Variants in SCLT1 observed in about 807,000 individuals in gnomAD.
SCLT1 encodes sodium channel and clathrin linker 1.
A neutral mutation model predicts 112.8 loss-of-function variants in SCLT1; 78 were observed. That is an observed-to-expected ratio of 0.69 (90% confidence interval 0.58 to 0.83). The LOEUF is 0.83. Ranked by LOEUF, SCLT1 falls within the 40% of genes least tolerant of loss-of-function variation. The pLI is 0.00. For synonymous variants in SCLT1, 257 were observed against 254.7 expected (o/e 1.01, Z -0.09); for missense variants, 747 against 770.4 (o/e 0.97, Z 0.36).
chr4:128,888,868 C>A, intron 19 of SCLT1, 94 bp from the exon 20 acceptor site: 1 of 605,412 alleles, frequency 1.7e-6, no homozygotes, highest in Middle Eastern at 2.9e-4. Flanking sequence ...CATCACTTTA[C>A]CACTTATAAA....
intron 18 of SCLT1, among the ~76,000 whole-genome samples, chr4:128,929,790 C>A (rs528476486): frequency 1.3e-5 from 2 of 152,250 alleles, no homozygotes; most frequent in East Asian, 3.9e-4. Flanking sequence ...ATGGCTACAA[C>A]ATGGGAAAAA....
intron 5 of SCLT1, among the ~76,000 whole-genome samples, chr4:129,011,751 T>C (rs33999735): frequency 0.041 from 6,228 of 152,218 alleles, 157 homozygotes; most frequent in South Asian, 0.057. Context: ...AATTTCCTCC[T>C]GGTTTAGTCT....
At chr4:129,034,983 A>G (rs1023795814) in intron 5 of SCLT1, among the ~76,000 whole-genome samples, 2 of 152,126 alleles carry the variant, frequency 1.3e-5, no homozygotes, top group African/African-American at 4.8e-5. Flanking sequence ...CACCCAACAA[A>G]TAAGTGAGAA....
At chr4:129,072,279 G>C (rs897280662) in intron 2 of SCLT1, among the ~76,000 whole-genome samples, 1 of 152,100 alleles carries the variant, frequency 6.6e-6, no homozygotes, top group Admixed American at 6.6e-5. Context: ...TGATGACAAT[G>C]TCCTAGGCAA....
At chr4:128,886,453 T>C in intron 20 of SCLT1, among the ~76,000 whole-genome samples, 1 of 152,020 alleles carries the variant, frequency 6.6e-6, no homozygotes, top group East Asian at 1.9e-4. Context: ...TATAGGAAAA[T>C]TAGAAGATTC....
intron 18 of SCLT1, among the ~76,000 whole-genome samples, chr4:128,914,160 T>C (rs1735301729): frequency 6.6e-6 from 1 of 152,136 alleles, no homozygotes; most frequent in Non-Finnish European, 1.5e-5. Flanking sequence ...GGTTAGGAGA[T>C]TGAGACCATC....
At chr4:128,998,660 T>C (rs1743208890) in intron 7 of SCLT1, among the ~76,000 whole-genome samples, 1 of 151,612 alleles carries the variant, frequency 6.6e-6, no homozygotes, top group Non-Finnish European at 1.5e-5. Context: ...TCAAAGAACT[T>C]AATATGAAAA....
At chr4:129,078,184 T>C (rs556610346) in intron 2 of SCLT1, among the ~76,000 whole-genome samples, 10 of 152,192 alleles carry the variant, frequency 6.6e-5, no homozygotes, top group Non-Finnish European at 1.3e-4. Context: ...AAGAGGACAA[T>C]CTTGTAAAGG....
At chr4:128,898,525 T>A (rs1315217007) in intron 18 of SCLT1, among the ~76,000 whole-genome samples, 1 of 150,718 alleles carries the variant, frequency 6.6e-6, no homozygotes, top group African/African-American at 2.4e-5. Context: ...TTCAAAGCAG[T>A]GTGTAGAGGG....
intron 18 of SCLT1, among the ~76,000 whole-genome samples, chr4:128,898,454 A>T (rs542847965): frequency 5.2e-4 from 79 of 152,304 alleles, no homozygotes; most frequent in African/African-American, 1.8e-3. Flanking sequence ...AGGCAGAAAT[A>T]AAGATGTTCT....
intron 17 of SCLT1, among the ~76,000 whole-genome samples, chr4:128,938,386 T>C (rs1238536463): frequency 6.6e-6 from 1 of 152,176 alleles, no homozygotes; most frequent in African/African-American, 2.4e-5. Flanking sequence ...TTCAATTTGC[T>C]TTCTCAAATA....
At chr4:129,037,153 TA>T (rs879228244) in intron 5 of SCLT1, 488 of 140,866 alleles carry the variant, frequency 3.5e-3, no homozygotes, top group Middle Eastern at 7.2e-3. Flanking sequence ...TACTTTAAGT[TA>T]AAAAAAAAAA....
intron 2 of SCLT1, among the ~76,000 whole-genome samples, chr4:129,061,404 T>C (rs938556644): frequency 1.3e-5 from 2 of 151,760 alleles, no homozygotes; most frequent in African/African-American, 4.8e-5. Context: ...TAGGGTGGGG[T>C]GTTTCAGCTT....
intron 8 of SCLT1, among the ~76,000 whole-genome samples, chr4:128,995,926 C>A (rs1412597527): frequency 2.6e-5 from 4 of 152,092 alleles, no homozygotes; most frequent in African/African-American, 9.7e-5. Context: ...CCAATGCCAA[C>A]TATCAGTCCA....
intron 1 of SCLT1, 87 bp downstream of exon 1, chr4:129,092,983 C>G (rs1366901724): frequency 5.0e-6 from 5 of 990,266 alleles, no homozygotes; most frequent in Non-Finnish European, 6.5e-6. Flanking sequence ...TTTAAATGTA[C>G]CCAACCAGCA....
At chr4:128,908,583 T>A (rs1291263647) in intron 18 of SCLT1, among the ~76,000 whole-genome samples, 1 of 152,130 alleles carries the variant, frequency 6.6e-6, no homozygotes, top group Non-Finnish European at 1.5e-5. Context: ...TTCAATACAA[T>A]CTAATTGAAT....
downstream of SCLT1, among the ~76,000 whole-genome samples, chr4:128,879,505 C>A (rs1477078124): frequency 6.6e-6 from 1 of 152,202 alleles, no homozygotes; most frequent in African/African-American, 2.4e-5. Flanking sequence ...CTGGTGTTGA[C>A]CAGATCTGGT....
intron 18 of SCLT1, among the ~76,000 whole-genome samples, chr4:128,905,327 C>A (rs1421355664): frequency 4.6e-5 from 7 of 152,126 alleles, no homozygotes; most frequent in Admixed American, 4.6e-4. Context: ...CCACTTCTCT[C>A]CATCTCCACT....
intron 18 of SCLT1, among the ~76,000 whole-genome samples, chr4:128,914,531 G>C (rs1299019053): frequency 6.6e-6 from 1 of 152,148 alleles, no homozygotes; most frequent in Admixed American, 6.5e-5. Context: ...CAGCAGTCCA[G>C]GGATAAATGA....
Sources: gnomAD v4.1 joint callset for allele counts (sites outside exome capture counted in the v4.1 genomes callset) on GRCh38, gnomAD v4.1.1 for gene constraint, MANE v1.5 for transcripts, NCBI Gene and HGNC (gene_info 2026-07-23, HGNC 2026-07-21) for gene names.